PCDHA4: variants seen among roughly 807,000 people sequenced by gnomAD.
PCDHA4 encodes the protein protocadherin alpha-4.
Under a neutral mutation model 61.4 loss-of-function variants are expected in PCDHA4, and 49 were observed. That is an observed-to-expected ratio of 0.80 (90% CI 0.63 to 1.01). The LOEUF is 1.01. Ranked by LOEUF, PCDHA4 falls within the 50% of genes least tolerant of loss-of-function variation. PCDHA4 has a pLI of 0.00. For missense variants in PCDHA4, 1,254 were observed against 1,235.8 expected, an observed-to-expected ratio of 1.01 and a Z score of -0.22; for synonymous variants, 590 against 550.3, an observed-to-expected ratio of 1.07 and a Z score of -1.01.
Position 140,916,718 on chromosome 5 carries a change from G to C in PCDHA4, c.2386-62231G>C, listed in dbSNP as rs115136945. Among the ~76,000 whole-genome samples, 1,217 of 152,304 alleles carry C rather than the reference G, an allele frequency of 8.0e-3. 6 individuals are homozygous for C. Among genetic ancestry groups the C allele is most frequent in the African/African-American group, 0.019 (785 of 41,570 alleles). On this transcript the variant is annotated intron_variant, in intron 1 of 3. Coordinates refer to ENST00000530339, the MANE Select transcript of PCDHA4 (RefSeq NM_018907.4). ...CTCTCCTTAAGCAGAAGGAAGGAGTGACTTTTGTTGCTGCAAGCTTCACTG... is the reference window on the plus strand; with the variant it reads ...CTCTCCTTAAGCAGAAGGAAGGAGTCACTTTTGTTGCTGCAAGCTTCACTG...
chr5:140,809,313 G>A lies in PCDHA4; in HGVS notation c.2126G>A (p.Ser709Asn). 6.2e-7 allele frequency: 1 copy of A among 1,614,116 alleles called. No individual in the cohort carries two copies. Among genetic ancestry groups the A allele is most frequent in the South Asian group, 1.1e-5 (1 of 91,092 alleles). ...ATCATTGCCATCTGCGCGGTGTCCA[G>A]CCTTTTGGTGCTCACGCTGCTGCTG... The part of the protein sequence containing the change: ...YLIIAICAVS[S>N]LLVLTLLLYT... The change falls in exon 1 of 4, where the codon AGC becomes AAC. Residue 709 changes from serine (S) to asparagine (N), a missense_variant. Coordinates refer to ENST00000530339, the MANE Select transcript of PCDHA4 (RefSeq NM_018907.4).
Position 140,808,562 on chromosome 5 carries a change from G to C in PCDHA4, c.1375G>C (p.Glu459Gln). Residue 459 changes from glutamate to glutamine, a missense_variant, in exon 1 of 4, where the codon GAG becomes CAG. Physicochemically the swap from Glu to Gln is conservative, Grantham distance 29. Transcript: ENST00000530339. ...CAACGCTCCGGCGTTCGCGCAGCCC[G>C]AGTACACAGTGTTCGTGAAGGAGAA... ...NDNAPAFAQPEYTVFVKENNP... is the reference protein window; with the variant it reads ...NDNAPAFAQPQYTVFVKENNP... 1.2e-6 allele frequency: 2 copies of C among 1,614,108 alleles called. No homozygotes were observed. The highest frequency in any genetic ancestry group is 2.2e-5 in the South Asian group (2 of 91,086).
At chr5:140,917,653 G>A (rs1400141765) in intron 1 of PCDHA4, among the ~76,000 whole-genome samples, 1 of 152,160 alleles carries the variant, frequency 6.6e-6, no homozygotes, top group Non-Finnish European at 1.5e-5. Flanking sequence ...GCAATATTGA[G>A]TAGGAAGTCC....
intron 1 of PCDHA4, among the ~76,000 whole-genome samples, chr5:140,846,373 C>CT (rs2150388509): frequency 0.025 from 1,401 of 55,028 alleles, 84 homozygotes; most frequent in East Asian, 0.045. Context: ...TTCTTTCTTT[C>CT]TTTTTTTTTT....
chr5:140,984,882 A>G (rs1456658089), intron 3 of PCDHA4, among the ~76,000 whole-genome samples: 3 of 152,150 alleles, frequency 2.0e-5, no homozygotes, highest in African/African-American at 7.2e-5. Context: ...AGTTACCATG[A>G]GAACTAAAGG....
intron 1 of PCDHA4, chr5:140,822,561 A>T (rs1462870943): frequency 8.1e-6 from 13 of 1,613,422 alleles, no homozygotes; most frequent in Non-Finnish European, 1.1e-5. Flanking sequence ...TAGTTATTAA[A>T]CTGAACGCCT....
intron 1 of PCDHA4, chr5:140,929,303 A>G (rs782378312): frequency 1.1e-5 from 17 of 1,586,722 alleles, no homozygotes; most frequent in Non-Finnish European, 1.1e-5. Context: ...AGGAAAGGGG[A>G]TCACGCTAAT....
chr5:140,821,946 G>T, intron 1 of PCDHA4: 1 of 1,614,176 alleles, frequency 6.2e-7, no homozygotes, highest in Non-Finnish European at 8.5e-7. Flanking sequence ...AGCTGGCGGA[G>T]CTGGTGCCGC....
intron 1 of PCDHA4, among the ~76,000 whole-genome samples, chr5:140,959,018 A>T (rs1374346226): frequency 6.6e-6 from 1 of 152,078 alleles, no homozygotes; most frequent in Non-Finnish European, 1.5e-5. Flanking sequence ...TTTATACATT[A>T]AGCTTTATCA....
chr5:140,887,497 A>G (rs981649331), intron 1 of PCDHA4, among the ~76,000 whole-genome samples: 1 of 152,150 alleles, frequency 6.6e-6, no homozygotes, highest in Admixed American at 6.5e-5. Context: ...ATAGTTTCTA[A>G]TAAGATGTTT....
intron 3 of PCDHA4, among the ~76,000 whole-genome samples, chr5:140,993,704 A>G (rs1032326931): frequency 3.3e-5 from 5 of 152,172 alleles, no homozygotes; most frequent in African/African-American, 1.2e-4. Flanking sequence ...TTGTAATACC[A>G]TATTTTTACT....
At chr5:140,992,457 A>G (rs2097512834) in intron 3 of PCDHA4, among the ~76,000 whole-genome samples, 1 of 152,136 alleles carries the variant, frequency 6.6e-6, no homozygotes, top group Non-Finnish European at 1.5e-5. Context: ...GCAGCAGAGG[A>G]CAGTACTCTT....
intron 1 of PCDHA4, among the ~76,000 whole-genome samples, chr5:140,873,809 C>T (rs1554166897): frequency 6.6e-6 from 1 of 152,138 alleles, no homozygotes; most frequent in Non-Finnish European, 1.5e-5. Context: ...TACAGGCATG[C>T]ACCACCACTC....
chr5:140,991,968 C>A (rs80040458), intron 3 of PCDHA4, among the ~76,000 whole-genome samples: 1,562 of 151,686 alleles, frequency 0.01, 27 homozygotes, highest in African/African-American at 0.036. Context: ...TTTGGTGGGG[C>A]CATTATTCTG....
Position 140,967,117 on chromosome 5 carries a change from C to T in PCDHA4, c.2386-11832C>T, listed in dbSNP as rs370329233. 7.4e-6 allele frequency: 12 copies of T among 1,612,904 alleles called. No individual in the cohort carries two copies. The East Asian group carries it at 1.6e-4, about 21-fold the overall frequency. On this transcript the variant is annotated intron_variant, in intron 1 of 3. Coordinates refer to ENST00000530339, the MANE Select transcript of PCDHA4 (RefSeq NM_018907.4). ...CGCTGTGTGAGCAGCGGCCTCGCTG[C>T]CTGCTCAGCTTGGAAGTGCTGGCGC...
chr5:140,972,355 G>A (rs1190163389), intron 1 of PCDHA4, among the ~76,000 whole-genome samples: 3 of 150,946 alleles, frequency 2.0e-5, no homozygotes, highest in Admixed American at 2.0e-4. Context: ...TCACTATGTT[G>A]CACATGCTGT....
rs139314570 is a variant in PCDHA4, at chr5:140,952,780, A to G, written c.2386-26169A>G. 2.0e-3 allele frequency among the ~76,000 whole-genome samples: 310 copies of G among 152,316 alleles called. 3 individuals are homozygous for G. The highest frequency in any genetic ancestry group is 7.3e-3 in the African/African-American group (302 of 41,572). On this transcript the variant is annotated intron_variant, in intron 1 of 3. Transcript: ENST00000530339. ...CTGAGACTGGATAATTTAGAAAGAA[A>G]AGAGGTTTAACTGGCTCGCAGTTCT... is the stretch of plus-strand genomic sequence containing the variant.
rs374159724 is a variant in PCDHA4 at position 140,856,795 on chromosome 5, G to T, written c.2385+47223G>T. The T allele has an allele frequency of 2.1e-5, 34 of 1,595,942 alleles. 4 individuals are homozygous for T. Among genetic ancestry groups the T allele is most frequent in the Non-Finnish European group, 2.7e-5 (32 of 1,165,996 alleles). ...TTGACAGACCGGTTTATGAAGTTAA[G>T]ATGTATGAAAATCAAGTGAACCAAA... On this transcript the variant is annotated intron_variant, in intron 1 of 3. Transcript: ENST00000530339.
At chr5:140,823,440 G>A in intron 1 of PCDHA4, 1 of 1,613,368 alleles carries the variant, frequency 6.2e-7, no homozygotes, top group Non-Finnish European at 8.5e-7. Context: ...TGTTCGTGCT[G>A]GACGAGAACG....
Sources: gnomAD v4.1 joint callset for allele counts (sites outside exome capture counted in the v4.1 genomes callset) on GRCh38, gnomAD v4.1.1 for gene constraint, MANE v1.5 for transcripts, NCBI Gene and HGNC (gene_info 2026-07-23, HGNC 2026-07-21) for gene names.